DRD2: variants seen among roughly 807,000 people sequenced by gnomAD.
DRD2 encodes the protein D(2) dopamine receptor.
In DRD2, 8 loss-of-function variants were observed where a neutral mutation model predicts 38.0. The observed-to-expected ratio is 0.21, with a 90% confidence interval of 0.12 to 0.38. The LOEUF is 0.38. DRD2 is among the 10% of genes least tolerant of loss of function. The pLI is 1.00. For synonymous variants in DRD2, 230 were observed against 238.6 expected (o/e 0.96, Z 0.33); for missense variants, 403 against 607.7 (o/e 0.66, Z 3.54).
intron 1 of DRD2, among the ~76,000 whole-genome samples, chr11:113,441,236 C>T (rs983223134): frequency 2.6e-5 from 4 of 152,210 alleles, no homozygotes. Context: ...GGAATCAACC[C>T]ATTCTGTTAT....
chr11:113,442,978 AAT>A (rs1263409432), intron 1 of DRD2, among the ~76,000 whole-genome samples: 1 of 152,120 alleles, frequency 6.6e-6, no homozygotes, highest in Non-Finnish European at 1.5e-5. Flanking sequence ...AAGCCTAACA[AAT>A]ATGCTAGGGT....
At chr11:113,457,673 A>G (rs2119943025) in intron 1 of DRD2, among the ~76,000 whole-genome samples, 1 of 152,204 alleles carries the variant, frequency 6.6e-6, no homozygotes, top group South Asian at 2.1e-4. Flanking sequence ...TAAGTTCTCC[A>G]CCTTCTGCGA....
intron 2 of DRD2, among the ~76,000 whole-genome samples, chr11:113,418,405 A>T (rs1950848981): frequency 6.6e-6 from 1 of 152,184 alleles, no homozygotes; most frequent in Non-Finnish European, 1.5e-5. Flanking sequence ...CCTCAACTTT[A>T]AACCTTAATC....
At chr11:113,446,142 C>T (rs909800415) in intron 1 of DRD2, among the ~76,000 whole-genome samples, 11 of 152,262 alleles carry the variant, frequency 7.2e-5, no homozygotes, top group African/African-American at 2.6e-4. Flanking sequence ...ATGGGAAGTA[C>T]ATGGAGGGTC....
intron 1 of DRD2, among the ~76,000 whole-genome samples, chr11:113,434,219 GTTC>G (rs1439892084): frequency 6.6e-6 from 1 of 152,230 alleles, no homozygotes; most frequent in Non-Finnish European, 1.5e-5. Flanking sequence ...TTTGATGTCT[GTTC>G]TTCTTGCTAA....
chr11:113,410,797 A>G lies in DRD2; in HGVS notation c.1262T>C (p.Val421Ala), dbSNP rs1950761768. The change falls in exon 8 of 8, where the codon GTG (valine) becomes GCG (alanine). Residue 421 changes from valine (V) to alanine (A), a missense_variant. Val to Ala is a moderately conservative substitution (Grantham distance 64). This residue lies in a region of DRD2 where 67 missense variants were observed against 136.1 expected (regional missense o/e 0.49). Coordinates refer to ENST00000362072, the MANE Select transcript of DRD2 (RefSeq NM_000795.4). ...FTWLGYVNSAVNPIIYTTFNI... is the reference protein window; with the variant it reads ...FTWLGYVNSAANPIIYTTFNI... Reference sequence around the variant, plus strand: ...GAAGGTGGTGTAGATGATGGGGTTCACGGCGCTGTTGACATAGCCCAGCCA... The same window carrying G: ...GAAGGTGGTGTAGATGATGGGGTTCGCGGCGCTGTTGACATAGCCCAGCCA... 1 of 1,612,486 alleles carries G rather than the reference A, an allele frequency of 6.2e-7. No homozygotes were observed. The highest frequency in any genetic ancestry group is 1.1e-5 in the South Asian group (1 of 91,002).
chr11:113,455,710 G>A (rs1304414962), intron 1 of DRD2, among the ~76,000 whole-genome samples: 1 of 152,140 alleles, frequency 6.6e-6, no homozygotes, highest in Non-Finnish European at 1.5e-5. Context: ...ATTCGTCAGG[G>A]AGATGCAAAA....
chr11:113,445,682 G>A (rs1297705404), intron 1 of DRD2, among the ~76,000 whole-genome samples: 1 of 152,206 alleles, frequency 6.6e-6, no homozygotes, highest in Admixed American at 6.5e-5. Context: ...AGGAGGAGAG[G>A]GGAATTAATA....
chr11:113,431,929 C>G (rs1950991133), intron 1 of DRD2, among the ~76,000 whole-genome samples: 1 of 152,256 alleles, frequency 6.6e-6, no homozygotes, highest in Admixed American at 6.5e-5. Flanking sequence ...CCACCCTGCT[C>G]AGGCCACCCA....
intron 1 of DRD2, among the ~76,000 whole-genome samples, chr11:113,428,907 A>G (rs763405092): frequency 6.6e-6 from 1 of 152,008 alleles, no homozygotes; most frequent in Non-Finnish European, 1.5e-5. Context: ...GATTACAGGC[A>G]CTAGTCTAGG....
At chr11:113,437,945 G>A (rs569726988) in intron 1 of DRD2, among the ~76,000 whole-genome samples, 5 of 152,242 alleles carry the variant, frequency 3.3e-5, no homozygotes, top group East Asian at 1.9e-4. Flanking sequence ...TCCTCATCCC[G>A]ACAACAGACT....
intron 1 of DRD2, among the ~76,000 whole-genome samples, chr11:113,468,437 G>A (rs911307207): frequency 6.6e-6 from 1 of 152,220 alleles, no homozygotes; most frequent in African/African-American, 2.4e-5. Flanking sequence ...CCTTATTTGT[G>A]CCTGAAATAA....
At chr11:113,431,165 T>C (rs1950983442) in intron 1 of DRD2, among the ~76,000 whole-genome samples, 2 of 152,202 alleles carry the variant, frequency 1.3e-5, no homozygotes, top group East Asian at 1.9e-4. Flanking sequence ...ACCAAATACA[T>C]GCATGGACAC....
Position 113,410,244 on chromosome 11 carries a change from A to C in DRD2, c.*483T>G, listed in dbSNP as rs1950754965. The C allele has an allele frequency of 4.1e-6, 1 of 242,362 alleles. No homozygotes were observed. Among genetic ancestry groups the C allele is most frequent in the Non-Finnish European group, 8.2e-6 (1 of 122,172 alleles). The allele number at this position is 242,362 out of a possible 1,614,324, so 15.0% of individuals were successfully genotyped here. On this transcript the variant is annotated 3_prime_UTR_variant, in exon 8 of 8. Coordinates refer to ENST00000362072, the MANE Select transcript of DRD2 (RefSeq NM_000795.4). ...TATTTACATGGGTCTCCCAGGACTGAAGTTGCCTGGCTCCTCGGCAAGAGA... is the reference window on the plus strand; with the variant it reads ...TATTTACATGGGTCTCCCAGGACTGCAGTTGCCTGGCTCCTCGGCAAGAGA...
chr11:113,450,646 T>C (rs1375640545), intron 1 of DRD2, among the ~76,000 whole-genome samples: 1 of 152,210 alleles, frequency 6.6e-6, no homozygotes, highest in Non-Finnish European at 1.5e-5. Flanking sequence ...ACTCAATCTC[T>C]TTAAGTAGAA....
At position 113,417,015 on chromosome 11, in the gene DRD2, A is replaced by G. The variant is rs760856854; in HGVS notation, c.396-16T>C. 6.2e-7 allele frequency: 1 copy of G among 1,612,874 alleles called. No homozygotes were observed. On this transcript the variant is annotated splice_polypyrimidine_tract_variant and intron_variant, in intron 3 of 7. Transcript: ENST00000362072. ...AGCTGTGTACCTGCAAGGGCGGGGG[A>G]CCCTGAATCTGGGGTGCAGGCCCAG...
chr11:113,418,195 G>T, intron 2 of DRD2, 59 bp from the exon 3 acceptor site: 1 of 1,415,402 alleles, frequency 7.1e-7, no homozygotes. Context: ...CTTAGGTCCT[G>T]TAGCCTGGTA....
chr11:113,421,707 T>A (rs967458736), intron 2 of DRD2, among the ~76,000 whole-genome samples: 1 of 152,146 alleles, frequency 6.6e-6, no homozygotes, highest in Non-Finnish European at 1.5e-5. Context: ...AAAATCTGGA[T>A]GACAAGAGCA....
At chr11:113,469,194 C>A (rs1951398500) in intron 1 of DRD2, among the ~76,000 whole-genome samples, 3 of 152,028 alleles carry the variant, frequency 2.0e-5, no homozygotes, top group Admixed American at 2.0e-4. Context: ...GCTCCTGCCG[C>A]CCTCCCTCCT....
Sources: gnomAD v4.1 joint callset for allele counts (sites outside exome capture counted in the v4.1 genomes callset) on GRCh38, gnomAD v4.1.1 for gene constraint, gnomAD v4.1.1 regional missense constraint, MANE v1.5 for transcripts, NCBI Gene and HGNC (gene_info 2026-07-23, HGNC 2026-07-21) for gene names.